SRPK2: variants seen among roughly 807,000 people sequenced by gnomAD.
SRPK2 encodes SRSF protein kinase 2, also known as SFRS protein kinase 2.
SRPK2 carries 21 observed loss-of-function variants against 90.8 expected under a neutral mutation model. The observed-to-expected ratio is 0.23, with a 90% confidence interval of 0.16 to 0.33. The LOEUF (loss-of-function observed/expected upper bound fraction) is 0.33, where lower values mean the gene tolerates loss of function less well. SRPK2 is among the 10% of genes least tolerant of loss of function. The pLI, the probability that SRPK2 is intolerant of heterozygous loss-of-function variation, is 1.00. For missense variants in SRPK2, 620 were observed against 869.0 expected (o/e 0.71, Z 3.60); for synonymous variants, 288 against 311.1 (o/e 0.93, Z 0.78).
At chr7:105,383,379 G>A (rs1210734303) in intron 2 of SRPK2, among the ~76,000 whole-genome samples, 1 of 145,134 alleles carries the variant, frequency 6.9e-6, no homozygotes, top group Non-Finnish European at 1.5e-5. Context: ...AAAATTAAAT[G>A]TTTTAATAAA....
chr7:105,127,621 C>A (rs1801389627), intron 13 of SRPK2, among the ~76,000 whole-genome samples: 1 of 152,186 alleles, frequency 6.6e-6, no homozygotes, highest in Non-Finnish European at 1.5e-5. Context: ...GTCCCCAGGG[C>A]CAGAGGAAGC....
At chr7:105,308,334 A>G (rs191540512) in intron 2 of SRPK2, among the ~76,000 whole-genome samples, 56 of 152,308 alleles carry the variant, frequency 3.7e-4, no homozygotes, top group African/African-American at 1.3e-3. Context: ...ATGTTCTCTG[A>G]GCACTCTAGA....
chr7:105,225,898 A>C (rs1798647545), intron 2 of SRPK2, among the ~76,000 whole-genome samples: 1 of 152,238 alleles, frequency 6.6e-6, no homozygotes, highest in Non-Finnish European at 1.5e-5. Flanking sequence ...AAGCAAACAA[A>C]GATTCAGCAC....
At chr7:105,258,970 C>T (rs1220621989) in intron 2 of SRPK2, among the ~76,000 whole-genome samples, 2 of 152,158 alleles carry the variant, frequency 1.3e-5, no homozygotes, top group East Asian at 1.9e-4. Context: ...CCTTTGAAAA[C>T]TGGCACAAGA....
intron 6 of SRPK2, among the ~76,000 whole-genome samples, chr7:105,165,776 C>T (rs1266045596): frequency 6.6e-6 from 1 of 152,204 alleles, no homozygotes; most frequent in Admixed American, 6.5e-5. Flanking sequence ...CAGCAACCTG[C>T]TTGGGTCCCC....
intron 2 of SRPK2, among the ~76,000 whole-genome samples, chr7:105,327,975 A>G (rs955195659): frequency 2.0e-5 from 3 of 152,044 alleles, no homozygotes; most frequent in Non-Finnish European, 4.4e-5. Flanking sequence ...TAATTTTTCT[A>G]TCTGTAGTAA....
In SRPK2 at chr7:105,178,682, C is replaced by T. The variant is rs543138057; in HGVS notation, c.230-9417G>A. On this transcript the variant is annotated intron_variant, in intron 3 of 15. Coordinates refer to ENST00000393651, the MANE Select transcript of SRPK2 (RefSeq NM_182692.3). ...CCAAAATTTAAAAAATTTTGCTGGG[C>T]ATGGTGGCGCATGCGTATGATCCCA... 3.9e-5 allele frequency among the ~76,000 whole-genome samples: 6 copies of T among 152,058 alleles called. No homozygotes were observed. The East Asian group carries it at 1.2e-3, about 29-fold the overall frequency.
At chr7:105,321,139 C>T (rs1428877404) in intron 2 of SRPK2, among the ~76,000 whole-genome samples, 1 of 152,126 alleles carries the variant, frequency 6.6e-6, no homozygotes, top group Non-Finnish European at 1.5e-5. Context: ...GGCCCATATA[C>T]AGTTCTTAAA....
At chr7:105,340,249 A>G (rs1171674331) in intron 2 of SRPK2, among the ~76,000 whole-genome samples, 1 of 131,906 alleles carries the variant, frequency 7.6e-6, no homozygotes, top group East Asian at 2.3e-4. Flanking sequence ...GCCGTACCAC[A>G]AAATACAATG....
intron 2 of SRPK2, among the ~76,000 whole-genome samples, chr7:105,259,988 C>T (rs57741635): frequency 0.012 from 1,781 of 152,128 alleles, 32 homozygotes; most frequent in African/African-American, 0.041. Context: ...AAAGACTTCA[C>T]GACTAAAACA....
At chr7:105,318,419 A>G (rs1482135931) in intron 2 of SRPK2, among the ~76,000 whole-genome samples, 1 of 152,234 alleles carries the variant, frequency 6.6e-6, no homozygotes, top group Non-Finnish European at 1.5e-5. Flanking sequence ...TTGTTAACAT[A>G]CAGTAAGTGT....
At chr7:105,365,462 G>GA (rs1359975573) in intron 2 of SRPK2, among the ~76,000 whole-genome samples, 2 of 145,852 alleles carry the variant, frequency 1.4e-5, no homozygotes, top group Admixed American at 7.0e-5. Flanking sequence ...TTTCCAGCCT[G>GA]GGCAACAAGA....
At chr7:105,387,033 C>T (rs1203261950) in intron 2 of SRPK2, among the ~76,000 whole-genome samples, 8 of 152,198 alleles carry the variant, frequency 5.3e-5, no homozygotes, top group Admixed American at 2.6e-4. Context: ...GAAAATCATA[C>T]TCTAATATAT....
intron 3 of SRPK2, among the ~76,000 whole-genome samples, chr7:105,178,517 C>A (rs116268246): frequency 0.011 from 1,636 of 152,272 alleles, 14 homozygotes; most frequent in Middle Eastern, 0.017. Context: ...AGGATTCCTA[C>A]TTATCTACAA....
intron 2 of SRPK2, among the ~76,000 whole-genome samples, chr7:105,235,254 TA>T (rs1799981349): frequency 6.6e-6 from 1 of 152,260 alleles, no homozygotes; most frequent in Admixed American, 6.5e-5. Context: ...TTATAATATT[TA>T]ATGTTTAATT....
upstream of SRPK2, among the ~76,000 whole-genome samples, chr7:105,389,985 C>T (rs571907061): frequency 6.6e-6 from 1 of 151,970 alleles, no homozygotes; most frequent in South Asian, 2.1e-4. Context: ...AATATCAAAC[C>T]CTATAGAAAA....
intron 3 of SRPK2, among the ~76,000 whole-genome samples, chr7:105,199,766 TATAAAC>T (rs1167087077): frequency 6.6e-6 from 1 of 151,872 alleles, no homozygotes; most frequent in Non-Finnish European, 1.5e-5. Flanking sequence ...TATAAATAAA[TATAAAC>T]ATAAAGGAAG....
intron 3 of SRPK2, among the ~76,000 whole-genome samples, chr7:105,197,701 A>G (rs756067736): frequency 1.8e-4 from 28 of 152,320 alleles, no homozygotes; most frequent in African/African-American, 5.5e-4. Context: ...CCACACTATG[A>G]TAAGTTGGGG....
Position 105,376,675 on chromosome 7 carries a change from T to C in SRPK2, c.71+11973A>G, listed in dbSNP as rs543925917. Among the ~76,000 whole-genome samples the C allele has an allele frequency of 1.3e-4, 20 of 151,550 alleles. No individual in the cohort carries two copies. In the East Asian group the frequency reaches 3.9e-3, roughly 30 times the overall value. On this transcript the variant is annotated intron_variant, in intron 2 of 15. Coordinates refer to ENST00000393651, the MANE Select transcript of SRPK2 (RefSeq NM_182692.3). ...TCCTCAGCCTCCATAATAGCTGGGA[T>C]TACAGGCGTGCACCACCACTCCCGG...
Sources: allele counts gnomAD v4.1 joint callset (sites outside exome capture counted in the v4.1 genomes callset), GRCh38; gene constraint gnomAD v4.1.1; transcripts MANE v1.5; gene names NCBI Gene and HGNC (gene_info 2026-07-23, HGNC 2026-07-21).